Variants in EPS15 observed in about 807,000 individuals in gnomAD.
EPS15 encodes epidermal growth factor receptor pathway substrate 15, also known as epidermal growth factor receptor substrate 15.
EPS15 carries 72 observed loss-of-function variants against 113.8 expected under a neutral mutation model. That is an observed-to-expected ratio of 0.63 (90% CI 0.52 to 0.77). The LOEUF is 0.77. Among genes scored for constraint, EPS15 ranks in the 30% least tolerant of loss-of-function variants. The pLI, the probability that EPS15 is intolerant of heterozygous loss-of-function variation, is 0.00. For synonymous variants in EPS15, 344 were observed against 363.4 expected (o/e 0.95, Z 0.61); for missense variants, 1,048 against 1,045.8 (o/e 1.00, Z -0.03).
chr1:51,376,092 A>C (rs947605692), intron 21 of EPS15, among the ~76,000 whole-genome samples: 3 of 152,258 alleles, frequency 2.0e-5, no homozygotes, highest in African/African-American at 7.2e-5. Flanking sequence ...TGCCATCTAC[A>C]ACTGTCATAG....
intron 12 of EPS15, among the ~76,000 whole-genome samples, chr1:51,436,104 C>T (rs1169608092): frequency 6.6e-6 from 1 of 152,218 alleles, no homozygotes. Context: ...AGCAAACACA[C>T]TGTATCTGTT....
intron 8 of EPS15, chr1:51,458,368 G>T: frequency 6.2e-6 from 1 of 160,604 alleles, no homozygotes; most frequent in Non-Finnish European, 1.4e-5. Context: ...GATAAATTGT[G>T]TTTATTCATT....
At chr1:51,443,826 T>C (rs1652803556) in intron 11 of EPS15, among the ~76,000 whole-genome samples, 1 of 152,074 alleles carries the variant, frequency 6.6e-6, no homozygotes, top group African/African-American at 2.4e-5. Context: ...CTAATTTTTT[T>C]GTTTTTGTTT....
chr1:51,496,203 C>G (rs1298683261), intron 1 of EPS15, among the ~76,000 whole-genome samples: 1 of 152,152 alleles, frequency 6.6e-6, no homozygotes, highest in African/African-American at 2.4e-5. Flanking sequence ...AACTGAGTAA[C>G]TGACTCAAAG....
chr1:51,421,423 T>C (rs1484336030), intron 13 of EPS15, among the ~76,000 whole-genome samples: 1 of 151,914 alleles, frequency 6.6e-6, no homozygotes, highest in Non-Finnish European at 1.5e-5. Flanking sequence ...TTGATGATGA[T>C]GATGATGATG....
intron 1 of EPS15, among the ~76,000 whole-genome samples, chr1:51,515,996 A>T (rs1034758676): frequency 2.0e-5 from 3 of 152,134 alleles, no homozygotes; most frequent in African/African-American, 4.8e-5. Flanking sequence ...AAAACTGACT[A>T]TTGGAAACTT....
chr1:51,391,689 C>G (rs1647383633), intron 21 of EPS15, among the ~76,000 whole-genome samples: 1 of 151,978 alleles, frequency 6.6e-6, no homozygotes, highest in Non-Finnish European at 1.5e-5. Flanking sequence ...GTGCAGGCCA[C>G]TGTAAGGCTT....
chr1:51,438,894 C>T (rs1476548698), intron 12 of EPS15, among the ~76,000 whole-genome samples: 1 of 151,404 alleles, frequency 6.6e-6, no homozygotes, highest in East Asian at 1.9e-4. Context: ...TGAGTAAGGA[C>T]AAAATTAAAC....
intron 13 of EPS15, among the ~76,000 whole-genome samples, chr1:51,418,996 A>C (rs1650499778): frequency 6.6e-6 from 1 of 152,144 alleles, no homozygotes; most frequent in Non-Finnish European, 1.5e-5. Context: ...ATATCTGTTG[A>C]CTACTCAGAA....
At chr1:51,476,416 A>C (rs371718728) in intron 2 of EPS15, among the ~76,000 whole-genome samples, 1 of 151,854 alleles carries the variant, frequency 6.6e-6, no homozygotes, top group African/African-American at 2.4e-5. Context: ...GAGGTCCTTC[A>C]CCCTCTTGGG....
chr1:51,372,893 G>GA, intron 21 of EPS15: 12 of 785,528 alleles, frequency 1.5e-5, no homozygotes, highest in Non-Finnish European at 1.5e-5. Flanking sequence ...GAGCTACCTG[G>GA]AAAAAACAGC....
intron 1 of EPS15, among the ~76,000 whole-genome samples, chr1:51,485,144 G>A (rs749602213): frequency 2.2e-4 from 34 of 152,154 alleles, no homozygotes; most frequent in Non-Finnish European, 3.5e-4. Context: ...TGGAGCTCTA[G>A]TGACATCACT....
chr1:51,510,484 T>C (rs1644600149), intron 1 of EPS15, among the ~76,000 whole-genome samples: 2 of 152,142 alleles, frequency 1.3e-5, no homozygotes. Context: ...TAAAAGTATT[T>C]AGTATTTATT....
intron 21 of EPS15, among the ~76,000 whole-genome samples, chr1:51,388,786 A>T (rs1396427056): frequency 6.6e-6 from 1 of 152,230 alleles, no homozygotes; most frequent in Admixed American, 6.5e-5. Context: ...TGACTCTCTG[A>T]ATAGACCAAT....
intron 18 of EPS15, among the ~76,000 whole-genome samples, chr1:51,401,565 T>C (rs1648556446): frequency 6.6e-6 from 1 of 152,232 alleles, no homozygotes; most frequent in South Asian, 2.1e-4. Context: ...TAGGTAATAG[T>C]TTCTTAGATG....
chr1:51,496,355 T>C (rs1256928756), intron 1 of EPS15, among the ~76,000 whole-genome samples: 1 of 152,214 alleles, frequency 6.6e-6, no homozygotes, highest in African/African-American at 2.4e-5. Context: ...AGCTCTTTCA[T>C]ATGAATTGTA....
At chr1:51,481,335 A>G (rs1644016927) in intron 1 of EPS15, 21 bp from the exon 2 acceptor site, 4 of 1,026,968 alleles carry the variant, frequency 3.9e-6, no homozygotes, top group Middle Eastern at 2.0e-4. Flanking sequence ...CACATTAATA[A>G]AAATTAGATG....
chr1:51,501,797 T>A (rs1557530198), intron 1 of EPS15, among the ~76,000 whole-genome samples: 1 of 152,120 alleles, frequency 6.6e-6, no homozygotes, highest in Non-Finnish European at 1.5e-5. Flanking sequence ...AATTTTAAGA[T>A]AAACTACATT....
chr1:51,364,994 C>CA (rs1350461899), intron 22 of EPS15, among the ~76,000 whole-genome samples: 3 of 151,138 alleles, frequency 2.0e-5, no homozygotes, highest in Non-Finnish European at 2.9e-5. Context: ...CATGCCTGAC[C>CA]AATTTTTTGT....
Sources: allele counts gnomAD v4.1 joint callset (sites outside exome capture counted in the v4.1 genomes callset), GRCh38; gene constraint gnomAD v4.1.1; transcripts MANE v1.5; gene names NCBI Gene and HGNC (gene_info 2026-07-23, HGNC 2026-07-21).